The following GOLT1A variants were observed in gnomAD, a reference collection of about 807,000 sequenced individuals.
The protein encoded by GOLT1A is vesicle transport protein GOT1A.
Under a neutral mutation model 16.1 loss-of-function variants are expected in GOLT1A, and 10 were observed. The observed-to-expected ratio is 0.62, with a 90% confidence interval of 0.38 to 1.05. The LOEUF (loss-of-function observed/expected upper bound fraction) is 1.05, where lower values mean the gene tolerates loss of function less well. GOLT1A is among the 50% of genes least tolerant of loss of function. The pLI, the probability that GOLT1A is intolerant of heterozygous loss-of-function variation, is 0.01. For missense variants in GOLT1A, 137 were observed against 165.7 expected (o/e 0.83, Z 0.95); for synonymous variants, 60 against 67.9 (o/e 0.88, Z 0.57).
At chr1:204,209,484 A>C (rs1659105854) in intron 1 of GOLT1A, among the ~76,000 whole-genome samples, 1 of 152,222 alleles carries the variant, frequency 6.6e-6, no homozygotes, top group Non-Finnish European at 1.5e-5. Flanking sequence ...TTGTTCAGGA[A>C]GAGGAAGGAG....
chr1:204,199,107 T>C, intron 4 of GOLT1A, 88 bp downstream of exon 4: 1 of 1,192,650 alleles, frequency 8.4e-7, no homozygotes, highest in East Asian at 2.5e-5. Flanking sequence ...CCACTGCCCC[T>C]GGGGCAGCAG....
At chr1:204,199,100 C>T in intron 4 of GOLT1A, 95 bp downstream of exon 4, 1 of 1,113,494 alleles carries the variant, frequency 9.0e-7, no homozygotes, top group Non-Finnish European at 1.3e-6. Context: ...GGAGAGGCCA[C>T]TGCCCCTGGG....
At chr1:204,198,547 A>C in intron 4 of GOLT1A, 51 bp from the exon 5 acceptor site, 1 of 1,548,188 alleles carries the variant, frequency 6.5e-7, no homozygotes, top group Non-Finnish European at 8.9e-7. Context: ...GAGCAGATGC[A>C]ATATCTAGTT....
chr1:204,213,740 C>G, intron 1 of GOLT1A, 142 bp downstream of exon 1: 1 of 914,812 alleles, frequency 1.1e-6, no homozygotes, highest in Non-Finnish European at 1.6e-6. Context: ...TGCCTGCTGC[C>G]CCAGGGTGCC....
rs186076893 is a variant in GOLT1A at position 204,207,879 on chromosome 1, C to G, written c.26-4892G>C. On this transcript the variant is annotated intron_variant, in intron 1 of 4. Transcript: ENST00000308302. ...TAGACAATTCTCAAAAGAAGATATA[C>G]AAACAGCCAACAAACATGAAAAAAT... is the stretch of plus-strand genomic sequence containing the variant. 9.5e-3 allele frequency among the ~76,000 whole-genome samples: 1,441 copies of G among 152,244 alleles called. 24 individuals carry two copies. The highest frequency in any genetic ancestry group is 0.032 in the African/African-American group (1,310 of 41,538).
At chr1:204,207,666 T>C (rs1659065794) in intron 1 of GOLT1A, among the ~76,000 whole-genome samples, 1 of 152,332 alleles carries the variant, frequency 6.6e-6, no homozygotes, top group African/African-American at 2.4e-5. Flanking sequence ...GCAGTGAGTC[T>C]CAGAACATCA....
chr1:204,211,640 A>G (rs1031098759), intron 1 of GOLT1A, among the ~76,000 whole-genome samples: 4 of 152,164 alleles, frequency 2.6e-5, no homozygotes, highest in South Asian at 4.1e-4. Flanking sequence ...TTGGTTTAAC[A>G]AAGTGTCAGC....
At chr1:204,201,893 G>T in intron 2 of GOLT1A, 82 bp from the exon 3 acceptor site, 2 of 1,292,612 alleles carry the variant, frequency 1.5e-6, no homozygotes, top group Non-Finnish European at 2.2e-6. Context: ...CCAGGCGGTG[G>T]GCTGGGACAG....
chr1:204,206,765 T>G (rs1413636615), intron 1 of GOLT1A, among the ~76,000 whole-genome samples: 1 of 152,264 alleles, frequency 6.6e-6, no homozygotes, highest in Non-Finnish European at 1.5e-5. Flanking sequence ...TGCACACACT[T>G]AAGAACAGCC....
chr1:204,207,669 G>C (rs543591873), intron 1 of GOLT1A, among the ~76,000 whole-genome samples: 1 of 152,330 alleles, frequency 6.6e-6, no homozygotes, highest in East Asian at 1.9e-4. Flanking sequence ...GTGAGTCTCA[G>C]AACATCATCG....
intron 1 of GOLT1A, among the ~76,000 whole-genome samples, chr1:204,204,614 G>A (rs1300057547): frequency 1.3e-5 from 2 of 152,146 alleles, no homozygotes; most frequent in East Asian, 1.9e-4. Context: ...CCATAAATAT[G>A]AGCATAAGAA....
intron 3 of GOLT1A, 28 bp downstream of exon 3, chr1:204,201,605 G>C (rs1429703089): frequency 1.2e-6 from 2 of 1,611,578 alleles, no homozygotes; most frequent in Non-Finnish European, 1.7e-6. Context: ...TGGTGGGTCT[G>C]TCCAGGGTTA....
chr1:204,198,412 G>T lies in GOLT1A; in HGVS notation c.*46C>A, dbSNP rs1450262600. ...GGGGGTGGTTCCCATTCTCCCTCTAGCCCCCTCAACCAATGATCCAAGTTC... is the reference window on the plus strand; with the variant it reads ...GGGGGTGGTTCCCATTCTCCCTCTATCCCCCTCAACCAATGATCCAAGTTC... On this transcript the variant is annotated 3_prime_UTR_variant, in exon 5 of 5. Coordinates refer to ENST00000308302, the MANE Select transcript of GOLT1A (RefSeq NM_198447.2). 4.4e-6 allele frequency: 7 copies of T among 1,579,556 alleles called. No individual in the cohort carries two copies. The highest frequency in any genetic ancestry group is 6.1e-6 in the Non-Finnish European group (7 of 1,149,274).
chr1:204,200,340 T>TGA (rs757198288), intron 3 of GOLT1A, among the ~76,000 whole-genome samples: 6 of 114,800 alleles, frequency 5.2e-5, no homozygotes, highest in Non-Finnish European at 1.0e-4. Flanking sequence ...TTTTTTTTTT[T>TGA]GAGAGAGAGA....
intron 1 of GOLT1A, among the ~76,000 whole-genome samples, chr1:204,208,480 A>G (rs868381382): frequency 0.017 from 1,161 of 68,068 alleles, 64 homozygotes; most frequent in African/African-American, 0.032. Context: ...GTGTGTGTAT[A>G]TATATATATA....
At chr1:204,198,625 G>C in intron 4 of GOLT1A, 129 bp from the exon 5 acceptor site, 1 of 812,830 alleles carries the variant, frequency 1.2e-6, no homozygotes, top group Non-Finnish European at 2.0e-6. Context: ...TGTAGGGGCT[G>C]TGTCCAGCTG....
intron 2 of GOLT1A, among the ~76,000 whole-genome samples, chr1:204,202,329 C>T (rs1658976414): frequency 6.6e-6 from 1 of 151,536 alleles, no homozygotes; most frequent in South Asian, 2.1e-4. Flanking sequence ...AAATTGAACT[C>T]TCTGGTTTTC....
Position 204,199,211 on chromosome 1 carries a change from A to T in GOLT1A, c.344T>A (p.Ile115Asn). ...AFGFLGNVCN[I>N]PFLGALFRRL... ...TCTGCTTACCGCACCCAGGAAGGGG[A>T]TGTTGCAGACATTGCCCAGGAAGCC... Residue 115 changes from isoleucine (I) to asparagine (N), a missense_variant, in exon 4 of 5, where the codon ATC becomes AAC. Coordinates refer to ENST00000308302, the MANE Select transcript of GOLT1A (RefSeq NM_198447.2). 1 of 1,601,220 alleles carries T rather than the reference A, an allele frequency of 6.2e-7. No individual in the cohort carries two copies. Among genetic ancestry groups the T allele is most frequent in the South Asian group, 1.1e-5 (1 of 87,866 alleles).
chr1:204,204,832 CTGTTT>C (rs1490926925), intron 1 of GOLT1A, among the ~76,000 whole-genome samples: 3 of 152,168 alleles, frequency 2.0e-5, no homozygotes, highest in Admixed American at 6.5e-5. Flanking sequence ...AATACTTTAT[CTGTTT>C]TGTTTTGTTT....
Sources: allele counts gnomAD v4.1 joint callset (sites outside exome capture counted in the v4.1 genomes callset), GRCh38; gene constraint gnomAD v4.1.1; transcripts MANE v1.5; gene names NCBI Gene and HGNC (gene_info 2026-07-23, HGNC 2026-07-21).